Variants in TLE4 observed in about 807,000 individuals in gnomAD.
TLE4 encodes the protein TLE family member 4, transcriptional corepressor.
TLE4 carries 8 observed loss-of-function variants against 92.8 expected under a neutral mutation model. The observed-to-expected ratio is 0.09, with a 90% CI of 0.05 to 0.16. The LOEUF (loss-of-function observed/expected upper bound fraction) is 0.16. TLE4 is among the 10% of genes least tolerant of loss of function. TLE4 has a pLI of 1.00. For missense variants in TLE4, 675 were observed against 997.6 expected (o/e 0.68, Z 4.36); for synonymous variants, 371 against 374.1 (o/e 0.99, Z 0.10).
Position 79,581,810 on chromosome 9 carries a change from T to C in TLE4, c.252+5633T>C, listed in dbSNP as rs563911946. ...CCTGAAATAGAGAGTCCCTGAACTT[T>C]AGGCTCATACGCAGAACCTCTTGAG... On this transcript the variant is annotated intron_variant, in intron 4 of 19. Coordinates refer to ENST00000376552, the MANE Select transcript of TLE4 (RefSeq NM_007005.6). Among the ~76,000 whole-genome samples the C allele has an allele frequency of 1.1e-4, 17 of 152,298 alleles. No individual in the cohort carries two copies. In the East Asian group the frequency reaches 3.1e-3, roughly 28 times the overall value.
chr9:79,681,695 T>C (rs2064636791), intron 8 of TLE4, among the ~76,000 whole-genome samples: 1 of 151,626 alleles, frequency 6.6e-6, no homozygotes. Flanking sequence ...TTAAGAAAAA[T>C]ATGCTACATA....
At position 79,689,327 on chromosome 9, in the gene TLE4, GT is replaced by G. The variant is rs78898388; in HGVS notation, c.610-15444del. ...GTGTGTTACATCAATTTTTATTGTT[GT>G]TTTTTTTTTTTCTTAATCAGGCAGG... is the stretch of plus-strand genomic sequence containing the variant. On this transcript the variant is annotated intron_variant, in intron 8 of 19. Transcript: ENST00000376552. Among the ~76,000 whole-genome samples the G allele has an allele frequency of 2.2e-3, 324 of 144,614 alleles. 1 individual carries two copies. The highest frequency in any genetic ancestry group is 0.011 in the Middle Eastern group (3 of 280). 94.9% of individuals were successfully genotyped at this position (144,614 alleles called of 152,430 possible). A position where few individuals can be genotyped will look rare whatever the true frequency, so the allele number is the denominator to read the frequency against.
rs1449202275 is a variant in TLE4, at chr9:79,572,401, G to A, written c.-390G>A. On this transcript the variant is annotated 5_prime_UTR_variant, in exon 1 of 20. Coordinates refer to ENST00000376552, the MANE Select transcript of TLE4 (RefSeq NM_007005.6). ...TAAAAAAAGTTTGGAGTGGGACGCAGAGCGAGCGAGAGGAGCTGCCGGCGG... is the reference window on the plus strand; with the variant it reads ...TAAAAAAAGTTTGGAGTGGGACGCAAAGCGAGCGAGAGGAGCTGCCGGCGG... 6.6e-6 allele frequency: 1 copy of A among 152,352 alleles called. No individual in the cohort carries two copies. Among genetic ancestry groups the A allele is most frequent in the African/African-American group, 2.4e-5 (1 of 41,434 alleles). 9.4% of individuals were successfully genotyped at this position (152,352 alleles called of 1,614,324 possible).
intron 8 of TLE4, among the ~76,000 whole-genome samples, chr9:79,700,579 A>G (rs1387408440): frequency 6.6e-6 from 1 of 152,118 alleles, no homozygotes; most frequent in Non-Finnish European, 1.5e-5. Context: ...AGCTTTTTAA[A>G]GCTTACCTTT....
At chr9:79,669,957 T>G (rs548272059) in intron 8 of TLE4, among the ~76,000 whole-genome samples, 6 of 152,258 alleles carry the variant, frequency 3.9e-5, no homozygotes, top group African/African-American at 1.4e-4. Context: ...ATATTTTGCT[T>G]GTTTCAGTAC....
At chr9:79,599,138 CTGTCTGGTACT>C in intron 4 of TLE4, among the ~76,000 whole-genome samples, 1 of 152,288 alleles carries the variant, frequency 6.6e-6, no homozygotes, top group Admixed American at 6.5e-5. Context: ...GTGTCTTGAC[CTGTCTGGTACT>C]TATCATAACT....
chr9:79,691,793 C>T (rs1318683237), intron 8 of TLE4, among the ~76,000 whole-genome samples: 1 of 152,208 alleles, frequency 6.6e-6, no homozygotes. Flanking sequence ...TTCCTGACCA[C>T]CTGGCTGCTA....
intron 19 of TLE4, 134 bp downstream of exon 19, chr9:79,723,169 CTG>C (rs910421310): frequency 1.6e-5 from 13 of 820,414 alleles, no homozygotes; most frequent in African/African-American, 1.6e-4. Context: ...GAGAAGGAAA[CTG>C]TGTCCAAGGA....
rs2036091463 is a variant in TLE4 at position 79,572,567 on chromosome 9, G to C, written c.-224G>C. 5.3e-6 allele frequency: 1 copy of C among 188,396 alleles called. No homozygotes were observed. Among genetic ancestry groups the C allele is most frequent in the Non-Finnish European group, 1.1e-5 (1 of 92,580 alleles). The allele number at this position is 188,396 out of a possible 1,614,324, so 11.7% of individuals were successfully genotyped here. ...GCCGGACAATGCCCGCGGCGGGCCAGTGACGCCCGCGGGGAATGCGGAGCG... is the reference window on the plus strand; with the variant it reads ...GCCGGACAATGCCCGCGGCGGGCCACTGACGCCCGCGGGGAATGCGGAGCG... On this transcript the variant is annotated 5_prime_UTR_variant, in exon 1 of 20. Coordinates refer to ENST00000376552, the MANE Select transcript of TLE4 (RefSeq NM_007005.6).
chr9:79,692,733 A>T (rs985260585), intron 8 of TLE4, among the ~76,000 whole-genome samples: 1 of 152,130 alleles, frequency 6.6e-6, no homozygotes, highest in African/African-American at 2.4e-5. Context: ...ACATGGTGAA[A>T]GGGGCAGAGG....
Position 79,614,538 on chromosome 9 carries a change from G to A in TLE4, c.315+1820G>A, listed in dbSNP as rs144253735. Among the ~76,000 whole-genome samples the A allele has an allele frequency of 2.7e-4, 41 of 152,258 alleles. 1 individual carries two copies. The highest frequency in any genetic ancestry group is 9.1e-4 in the African/African-American group (38 of 41,548). On this transcript the variant is annotated intron_variant, in intron 5 of 19. Transcript: ENST00000376552. ...GTCTAAGGAAGTTGTACCTGTAGGT[G>A]AAAGCCATGGGGAGATACTGACAAC...
At position 79,721,793 on chromosome 9, in the gene TLE4, G is replaced by A; in HGVS notation, c.1891G>A (p.Gly631Ser). Residue 631 changes from glycine (G) to serine (S), a missense_variant, in exon 17 of 20, where the codon GGC becomes AGC. This residue lies in a region of TLE4 where 170 missense variants were observed against 359.6 expected (regional missense o/e 0.47). Transcript: ENST00000376552. Reference sequence around the variant, plus strand: ...CAGCTGTATTGACATTTCTAATGATGGCACCAAGCTCTGGACAGGTGGTTT... The same window carrying A: ...CAGCTGTATTGACATTTCTAATGATAGCACCAAGCTCTGGACAGGTGGTTT... ...GASCIDISND[G>S]TKLWTGGLDN... The A allele has an allele frequency of 6.2e-7, 1 of 1,614,214 alleles. No homozygotes were observed.
At chr9:79,612,412 T>G (rs2048574193) in intron 4 of TLE4, among the ~76,000 whole-genome samples, 1 of 152,130 alleles carries the variant, frequency 6.6e-6, no homozygotes, top group Non-Finnish European at 1.5e-5. Flanking sequence ...CCATTTTATA[T>G]TGCCCTGATG....
At chr9:79,646,354 A>C (rs1395052963) in intron 6 of TLE4, among the ~76,000 whole-genome samples, 2 of 152,206 alleles carry the variant, frequency 1.3e-5, no homozygotes, top group East Asian at 3.8e-4. Flanking sequence ...ACTGTAGAGC[A>C]ATCCATTAGA....
rs114574743 is a variant in TLE4, at chr9:79,682,975, A to C, written c.610-21808A>C. Among the ~76,000 whole-genome samples, 951 of 152,350 alleles carry C rather than the reference A, an allele frequency of 6.2e-3. 9 individuals are homozygous for C. Among genetic ancestry groups the C allele is most frequent in the African/African-American group, 0.022 (915 of 41,588 alleles). On this transcript the variant is annotated intron_variant, in intron 8 of 19. Coordinates refer to ENST00000376552, the MANE Select transcript of TLE4 (RefSeq NM_007005.6). ...CAAAGGGATGAGTAAACTATGGCCC[A>C]CAGGCCAAATCTACTTCCCAGTTTG...
At chr9:79,708,021 T>G in intron 11 of TLE4, 97 bp from the exon 12 acceptor site, 1 of 1,322,280 alleles carries the variant, frequency 7.6e-7, no homozygotes, top group Non-Finnish European at 1.0e-6. Context: ...CCTCTTCCAT[T>G]TCTTTTCCTC....
chr9:79,659,921 A>G (rs573876428), intron 8 of TLE4, among the ~76,000 whole-genome samples: 1 of 152,316 alleles, frequency 6.6e-6, no homozygotes, highest in East Asian at 1.9e-4. Flanking sequence ...ATAGAAATAG[A>G]ACTCTACCTT....
At chr9:79,667,777 T>C (rs994992603) in intron 8 of TLE4, among the ~76,000 whole-genome samples, 3 of 152,060 alleles carry the variant, frequency 2.0e-5, no homozygotes, top group Admixed American at 6.6e-5. Context: ...ATAGTAAAGA[T>C]TGGATGCTAG....
chr9:79,604,455 T>G (rs551457225), intron 4 of TLE4, among the ~76,000 whole-genome samples: 2 of 152,098 alleles, frequency 1.3e-5, no homozygotes, highest in South Asian at 4.2e-4. Flanking sequence ...GAGAAAACAA[T>G]CAAAGGGATT....
Sources: allele counts gnomAD v4.1 joint callset (sites outside exome capture counted in the v4.1 genomes callset), GRCh38; gene constraint gnomAD v4.1.1; regional missense constraint gnomAD v4.1.1; transcripts MANE v1.5; gene names NCBI Gene and HGNC (gene_info 2026-07-23, HGNC 2026-07-21).